SDHAF3: variants seen among roughly 807,000 people sequenced by gnomAD.
SDHAF3 encodes the protein succinate dehydrogenase complex assembly factor 3, also known as succinate dehydrogenase assembly factor 3, mitochondrial.
In SDHAF3, 18 loss-of-function variants were observed where a neutral mutation model predicts 11.5. The observed-to-expected ratio is 1.56, with a 90% CI of 1.08 to 2.32. SDHAF3 has a LOEUF of 2.32. SDHAF3 is among the 30% of genes most tolerant of loss of function. The probability of loss-of-function intolerance (pLI) is 0.00; values close to 1 mark genes in which losing one functional copy is unlikely to be tolerated. For synonymous variants in SDHAF3, 72 were observed against 59.3 expected (o/e 1.21, Z -0.99); for missense variants, 200 against 154.4 (o/e 1.30, Z -1.57).
intron 1 of SDHAF3, among the ~76,000 whole-genome samples, chr7:97,137,215 A>G (rs1788940718): frequency 1.3e-5 from 2 of 152,194 alleles, no homozygotes; most frequent in East Asian, 3.8e-4. Flanking sequence ...TCATGATCTA[A>G]CATACGTTCT....
intron 1 of SDHAF3, chr7:97,135,210 CT>C (rs1349216556): frequency 6.6e-6 from 1 of 152,080 alleles, no homozygotes; most frequent in Admixed American, 6.6e-5. Flanking sequence ...TAAGGGTACT[CT>C]ACATCATACC....
chr7:97,156,949 C>T (rs1789310951), intron 1 of SDHAF3, among the ~76,000 whole-genome samples: 1 of 152,092 alleles, frequency 6.6e-6, no homozygotes, highest in Non-Finnish European at 1.5e-5. Context: ...TTAGGTATTT[C>T]TCTTAATGCT....
intron 1 of SDHAF3, chr7:97,135,637 CGTGT>C (rs56102126): frequency 0.048 from 4,038 of 84,946 alleles, 142 homozygotes; most frequent in East Asian, 0.15. Flanking sequence ...TATGTGCGTG[CGTGT>C]GTGTGTGTGT....
intron 1 of SDHAF3, among the ~76,000 whole-genome samples, chr7:97,142,359 G>T (rs1584217885): frequency 2.0e-5 from 3 of 151,948 alleles, no homozygotes; most frequent in Admixed American, 1.3e-4. Context: ...GGCCTGAATT[G>T]TAGTGTTTAT....
intron 1 of SDHAF3, among the ~76,000 whole-genome samples, chr7:97,119,902 G>A (rs982837652): frequency 1.1e-4 from 17 of 152,068 alleles, no homozygotes; most frequent in Admixed American, 7.9e-4. Context: ...CAAAGTGTTC[G>A]CCTCAACACT....
At chr7:97,154,455 T>A (rs1789273113) in intron 1 of SDHAF3, among the ~76,000 whole-genome samples, 1 of 152,248 alleles carries the variant, frequency 6.6e-6, no homozygotes, top group Admixed American at 6.5e-5. Context: ...GTTGCTCATT[T>A]ATTTTGCCCA....
At chr7:97,123,284 T>TG (rs1473989280) in intron 1 of SDHAF3, among the ~76,000 whole-genome samples, 1 of 152,186 alleles carries the variant, frequency 6.6e-6, no homozygotes, top group East Asian at 1.9e-4. Context: ...CTGAGGATGA[T>TG]GGTTTCCAGC....
chr7:97,170,479 C>G (rs751221021), intron 1 of SDHAF3, among the ~76,000 whole-genome samples: 1 of 152,004 alleles, frequency 6.6e-6, no homozygotes, highest in African/African-American at 2.4e-5. Context: ...ATTTCATAAA[C>G]AAGAATGTGC....
chr7:97,154,090 G>C (rs895053722), intron 1 of SDHAF3, among the ~76,000 whole-genome samples: 36 of 152,034 alleles, frequency 2.4e-4, no homozygotes, highest in African/African-American at 8.2e-4. Flanking sequence ...GTGGAGTTAG[G>C]AGCAATGTTT....
intron 1 of SDHAF3, among the ~76,000 whole-genome samples, chr7:97,153,596 A>T (rs1789258002): frequency 6.6e-6 from 1 of 152,176 alleles, no homozygotes; most frequent in African/African-American, 2.4e-5. Flanking sequence ...ATATGGTAAG[A>T]GTATGTTTAG....
chr7:97,130,730 G>C (rs1249227856), intron 1 of SDHAF3, among the ~76,000 whole-genome samples: 1 of 152,234 alleles, frequency 6.6e-6, no homozygotes, highest in Non-Finnish European at 1.5e-5. Context: ...ACCACATAGT[G>C]AGTAAGGTGG....
chr7:97,163,120 T>C (rs1410703448), intron 1 of SDHAF3, among the ~76,000 whole-genome samples: 1 of 151,996 alleles, frequency 6.6e-6, no homozygotes, highest in Non-Finnish European at 1.5e-5. Context: ...CCTTTACCAT[T>C]ATGTAATGCC....
chr7:97,160,740 A>G (rs180742940), intron 1 of SDHAF3, among the ~76,000 whole-genome samples: 16 of 152,380 alleles, frequency 1.1e-4, no homozygotes, highest in East Asian at 3.9e-4. Context: ...GAATTTGGCA[A>G]TGCTGAAGCT....
intron 1 of SDHAF3, among the ~76,000 whole-genome samples, chr7:97,173,027 A>G (rs1371171957): frequency 6.6e-6 from 1 of 152,120 alleles, no homozygotes; most frequent in Non-Finnish European, 1.5e-5. Context: ...TATTCTCATG[A>G]GGTGCACATA....
intron 1 of SDHAF3, among the ~76,000 whole-genome samples, chr7:97,164,050 C>T (rs1048308167): frequency 6.6e-6 from 1 of 151,470 alleles, no homozygotes; most frequent in East Asian, 2.0e-4. Flanking sequence ...CAGGTTCAAG[C>T]GATTCCCCCT....
chr7:97,141,351 C>A (rs1186715442), intron 1 of SDHAF3, among the ~76,000 whole-genome samples: 1 of 152,122 alleles, frequency 6.6e-6, no homozygotes, highest in South Asian at 2.1e-4. Flanking sequence ...ACACCCTATT[C>A]GTACACTCCC....
chr7:97,150,831 G>A (rs1789208413), intron 1 of SDHAF3, among the ~76,000 whole-genome samples: 1 of 151,838 alleles, frequency 6.6e-6, no homozygotes, highest in Non-Finnish European at 1.5e-5. Context: ...CAAAGTGCTG[G>A]GATTACAGGT....
intron 1 of SDHAF3, among the ~76,000 whole-genome samples, chr7:97,169,557 A>G (rs1017866587): frequency 2.0e-5 from 3 of 152,120 alleles, no homozygotes; most frequent in African/African-American, 7.2e-5. Flanking sequence ...TTATTTTCTC[A>G]ATAAATTGGT....
At chr7:97,122,505 G>GTT (rs796470315) in intron 1 of SDHAF3, among the ~76,000 whole-genome samples, 5 of 143,570 alleles carry the variant, frequency 3.5e-5, no homozygotes, top group Admixed American at 1.4e-4. Context: ...GATTTATGAG[G>GTT]TTTTTTTTTT....
Sources: allele counts gnomAD v4.1 joint callset (sites outside exome capture counted in the v4.1 genomes callset), GRCh38; gene constraint gnomAD v4.1.1; transcripts MANE v1.5; gene names NCBI Gene and HGNC (gene_info 2026-07-23, HGNC 2026-07-21).